Variants in GLYATL3 observed in about 807,000 individuals in gnomAD.
The protein encoded by GLYATL3 is glycine-N-acyltransferase like 3, also known as glycine N-acyltransferase-like protein 3.
A neutral mutation model predicts 28.5 loss-of-function variants in GLYATL3; 31 were observed. The observed-to-expected ratio is 1.09, with a 90% CI of 0.82 to 1.47. The LOEUF (loss-of-function observed/expected upper bound fraction) is 1.47. Among genes scored for constraint, GLYATL3 ranks in the 40% most tolerant of loss-of-function variants. The pLI is 0.00. For synonymous variants in GLYATL3, 141 were observed against 140.2 expected (o/e 1.01, Z -0.04); for missense variants, 369 against 351.5 (o/e 1.05, Z -0.40).
intron 1 of GLYATL3, among the ~76,000 whole-genome samples, chr6:49,507,427 A>T (rs1190040086): frequency 6.6e-6 from 1 of 152,188 alleles, no homozygotes; most frequent in African/African-American, 2.4e-5. Context: ...AAATAAAAGA[A>T]TAAGGTTAGT....
At chr6:49,508,015 G>A (rs1004800482) in intron 1 of GLYATL3, among the ~76,000 whole-genome samples, 2 of 152,168 alleles carry the variant, frequency 1.3e-5, no homozygotes, top group African/African-American at 4.8e-5. Flanking sequence ...TATAGCGTGT[G>A]CATCAGTAAT....
Position 49,515,885 on chromosome 6 carries a change from TTTTC to T in GLYATL3, c.186+138_186+141del, listed in dbSNP as rs534404004. On this transcript the variant is annotated intron_variant, in intron 3 of 5. Coordinates refer to ENST00000371197, the MANE Select transcript of GLYATL3 (RefSeq NM_001010904.2). Reference sequence around the variant, plus strand: ...ACAACACTGTTTCACCATTCATTTCTTTTCTTTCTTTCTTTCCCTTCTTTCCTTC... The same window carrying T: ...ACAACACTGTTTCACCATTCATTTCTTTTCTTTCTTTCCCTTCTTTCCTTC... 1,965 of 632,144 alleles carry T rather than the reference TTTTC, an allele frequency of 3.1e-3. 64 individuals carry two copies. The Admixed American group carries it at 0.047, about 15-fold the overall frequency. 39.2% of individuals were successfully genotyped at this position (632,144 alleles called of 1,614,324 possible).
intron 1 of GLYATL3, among the ~76,000 whole-genome samples, chr6:49,504,082 T>G (rs1304181950): frequency 6.6e-6 from 1 of 152,002 alleles, no homozygotes; most frequent in Non-Finnish European, 1.5e-5. Flanking sequence ...TAACAGTCTG[T>G]GGGGTGACAG....
At chr6:49,510,430 T>C (rs1769101301) in intron 1 of GLYATL3, among the ~76,000 whole-genome samples, 1 of 152,194 alleles carries the variant, frequency 6.6e-6, no homozygotes, top group South Asian at 2.1e-4. Flanking sequence ...TAATTCGTAC[T>C]CTTTTCATTT....
chr6:49,518,743 A>G (rs1769260225), intron 4 of GLYATL3, among the ~76,000 whole-genome samples: 1 of 152,100 alleles, frequency 6.6e-6, no homozygotes, highest in African/African-American at 2.4e-5. Flanking sequence ...GATTGAGACC[A>G]TTCTGGCTAA....
intron 4 of GLYATL3, among the ~76,000 whole-genome samples, chr6:49,520,373 T>C (rs1331298165): frequency 6.6e-6 from 1 of 152,204 alleles, no homozygotes; most frequent in African/African-American, 2.4e-5. Flanking sequence ...ATCACTTAGA[T>C]GGAATTCAGT....
intron 5 of GLYATL3, among the ~76,000 whole-genome samples, chr6:49,523,524 G>T (rs1412166103): frequency 6.6e-6 from 1 of 152,180 alleles, no homozygotes; most frequent in Non-Finnish European, 1.5e-5. Flanking sequence ...AGCCATTTAT[G>T]TGAGTCCTGG....
chr6:49,503,782 C>T (rs965790141), intron 1 of GLYATL3, among the ~76,000 whole-genome samples: 2 of 152,128 alleles, frequency 1.3e-5, no homozygotes, highest in African/African-American at 4.8e-5. Context: ...TTAATGAGAT[C>T]CCTGATACCA....
At position 49,527,540 on chromosome 6, in the gene GLYATL3, G is replaced by T. The variant is rs1769444736; in HGVS notation, c.*626G>T. On this transcript the variant is annotated 3_prime_UTR_variant, in exon 6 of 6. Transcript: ENST00000371197. ...ATCAGAATCACCCAGAGGGCAGGTT[G>T]CAACACACATCACTAGGCCTCTCCT... 6.6e-6 allele frequency among the ~76,000 whole-genome samples: 1 copy of T among 152,164 alleles called. No individual in the cohort carries two copies. Among genetic ancestry groups the T allele is most frequent in the Non-Finnish European group, 1.5e-5 (1 of 68,034 alleles).
intron 1 of GLYATL3, among the ~76,000 whole-genome samples, chr6:49,507,307 A>G (rs995288574): frequency 1.3e-5 from 2 of 152,168 alleles, no homozygotes; most frequent in African/African-American, 4.8e-5. Flanking sequence ...AATAGGAAGT[A>G]AAACACCATC....
In GLYATL3 at chr6:49,526,574, A is replaced by T. The variant is rs1236488091; in HGVS notation, c.527A>T (p.Gln176Leu). The T allele has an allele frequency of 6.4e-7, 1 of 1,551,838 alleles. No homozygotes were observed. Among genetic ancestry groups the T allele is most frequent in the African/African-American group, 1.4e-5 (1 of 73,152 alleles). Reference sequence around the variant, plus strand: ...ACTTGGTCCCGGGGAGGCAATGAACAATGTCTCCGGTACATCGCCAACCTC... The same window carrying T: ...ACTTGGTCCCGGGGAGGCAATGAACTATGTCTCCGGTACATCGCCAACCTC... ...NRTWSRGGNEQCLRYIANLIS... is the reference protein window; with the variant it reads ...NRTWSRGGNELCLRYIANLIS... The change falls in exon 6 of 6, where the codon CAA (glutamine) becomes CTA (leucine). Residue 176 changes from glutamine (Q) to leucine (L), a missense_variant. Physicochemically the swap from Gln to Leu is moderately radical, Grantham distance 113. Transcript: ENST00000371197.
intron 3 of GLYATL3, 105 bp downstream of exon 3, chr6:49,515,865 A>AT (rs1769206411): frequency 9.0e-6 from 6 of 669,488 alleles, no homozygotes; most frequent in Non-Finnish European, 1.4e-5. Flanking sequence ...AGCTTACAAC[A>AT]CTGTTTCACC....
chr6:49,499,949 G>A lies in GLYATL3; in HGVS notation c.-122G>A, dbSNP rs919479168. 3.5e-4 allele frequency: 53 copies of A among 151,914 alleles called. No homozygotes were observed. The highest frequency in any genetic ancestry group is 1.2e-3 in the African/African-American group (51 of 41,434). 9.4% of individuals were successfully genotyped at this position (151,914 alleles called of 1,614,324 possible). Reference sequence around the variant, plus strand: ...TTTCCACTAAGGGCTAATTAGAGAGGTAGCCTTGAAGAATAAACTTACCAT... The same window carrying A: ...TTTCCACTAAGGGCTAATTAGAGAGATAGCCTTGAAGAATAAACTTACCAT... On this transcript the variant is annotated 5_prime_UTR_variant, in exon 1 of 6. Coordinates refer to ENST00000371197, the MANE Select transcript of GLYATL3 (RefSeq NM_001010904.2).
intron 5 of GLYATL3, among the ~76,000 whole-genome samples, chr6:49,524,091 T>A (rs1769361130): frequency 6.6e-6 from 1 of 152,190 alleles, no homozygotes; most frequent in Admixed American, 6.5e-5. Flanking sequence ...GTGAACTCTA[T>A]TTTGAACACC....
intron 1 of GLYATL3, among the ~76,000 whole-genome samples, chr6:49,505,561 G>C (rs1277436510): frequency 6.6e-6 from 1 of 152,190 alleles, no homozygotes; most frequent in Non-Finnish European, 1.5e-5. Context: ...AATCCAGGAA[G>C]TATTTCCTAG....
Position 49,526,956 on chromosome 6 carries a change from A to G in GLYATL3, c.*42A>G, listed in dbSNP as rs528555682. 5.1e-5 allele frequency: 71 copies of G among 1,379,100 alleles called. No homozygotes were observed. The South Asian group carries it at 8.2e-4, about 16-fold the overall frequency. 85.4% of individuals were successfully genotyped at this position (1,379,100 alleles called of 1,614,324 possible). ...AGTGGTTTTATTACTTTCCCTGAGC[A>G]TACACACACTCTTGGCTGCCAACGA... On this transcript the variant is annotated 3_prime_UTR_variant, in exon 6 of 6. Coordinates refer to ENST00000371197, the MANE Select transcript of GLYATL3 (RefSeq NM_001010904.2).
In GLYATL3 at chr6:49,521,773, T is replaced by C. The variant is rs896535765; in HGVS notation, c.440+2T>C. ...ATCTCTGCCAGATACCAGTTTCCTG[T>C]ATGTAAACCAAGTTTTTGCATTTGG... On this transcript the variant is annotated splice_donor_variant, in intron 5 of 5. Transcript: ENST00000371197. LOFTEE classifies it high-confidence loss of function. The C allele has an allele frequency of 2.1e-5, 33 of 1,550,670 alleles. No homozygotes were observed. Among genetic ancestry groups the C allele is most frequent in the Admixed American group, 1.6e-4 (8 of 50,842 alleles).
At chr6:49,516,038 G>A (rs544630478) in intron 3 of GLYATL3, among the ~76,000 whole-genome samples, 2 of 149,938 alleles carry the variant, frequency 1.3e-5, no homozygotes, top group African/African-American at 2.5e-5. Context: ...AGGTTGAACC[G>A]ATTCTCCTGC....
intron 5 of GLYATL3, among the ~76,000 whole-genome samples, chr6:49,525,093 A>ATTTTTTTTTTTTTTTTT (rs10630585): frequency 7.1e-6 from 1 of 141,354 alleles, no homozygotes. Flanking sequence ...ATTCTAAAAC[A>ATTTTTTTTTTTTTTTTT]TTTTTTTTTT....
Sources: allele counts gnomAD v4.1 joint callset (sites outside exome capture counted in the v4.1 genomes callset), GRCh38; gene constraint gnomAD v4.1.1; transcripts MANE v1.5; gene names NCBI Gene and HGNC (gene_info 2026-07-23, HGNC 2026-07-21).